Variants in MIPEP observed in about 807,000 individuals in gnomAD.
MIPEP encodes the protein mitochondrial intermediate peptidase.
A neutral mutation model predicts 90.3 loss-of-function variants in MIPEP; 79 were observed. The observed-to-expected ratio is 0.87, with a 90% CI of 0.73 to 1.05. The LOEUF (loss-of-function observed/expected upper bound fraction) is 1.05. MIPEP is among the 50% of genes least tolerant of loss of function. The pLI is 0.00. For missense variants in MIPEP, 940 were observed against 905.6 expected (o/e 1.04, Z -0.49); for synonymous variants, 334 against 315.8 (o/e 1.06, Z -0.61).
chr13:23,759,680 G>A (rs771518615), intron 17 of MIPEP, among the ~76,000 whole-genome samples: 7 of 152,082 alleles, frequency 4.6e-5, no homozygotes, highest in African/African-American at 7.2e-5. Context: ...ACTTCCTCCC[G>A]ACAATGCTCC....
chr13:23,845,832 G>A (rs1566015380), intron 10 of MIPEP, among the ~76,000 whole-genome samples: 1 of 151,364 alleles, frequency 6.6e-6, no homozygotes. Context: ...TATGTGTGCT[G>A]CATTTCCTTT....
intron 15 of MIPEP, among the ~76,000 whole-genome samples, chr13:23,807,775 A>G (rs189763036): frequency 1.5e-3 from 234 of 152,374 alleles, no homozygotes; most frequent in Non-Finnish European, 2.8e-3. Context: ...ATTTTGCCCC[A>G]ATGTATAAAT....
chr13:23,845,303 CTGTTGTGT>C (rs1172192706), intron 10 of MIPEP, among the ~76,000 whole-genome samples: 1 of 152,082 alleles, frequency 6.6e-6, no homozygotes, highest in East Asian at 1.9e-4. Context: ...CATGCATCTC[CTGTTGTGT>C]TGTACATGAG....
intron 14 of MIPEP, among the ~76,000 whole-genome samples, chr13:23,832,440 T>C (rs1868811787): frequency 6.6e-6 from 1 of 151,970 alleles, no homozygotes; most frequent in African/African-American, 2.4e-5. Flanking sequence ...CTATTAAATA[T>C]AAATAGGTAA....
At chr13:23,780,011 A>T (rs1306642979) in intron 16 of MIPEP, among the ~76,000 whole-genome samples, 1 of 152,208 alleles carries the variant, frequency 6.6e-6, no homozygotes, top group Non-Finnish European at 1.5e-5. Flanking sequence ...CTGCCTCAGT[A>T]GACTCCACCT....
At chr13:23,808,397 C>T (rs1353094766) in intron 15 of MIPEP, among the ~76,000 whole-genome samples, 1 of 152,120 alleles carries the variant, frequency 6.6e-6, no homozygotes, top group East Asian at 1.9e-4. Flanking sequence ...CCGCATCTGG[C>T]CTTAAAAACA....
At chr13:23,882,071 CT>C (rs553989994) in intron 2 of MIPEP, among the ~76,000 whole-genome samples, 12,393 of 98,278 alleles carry the variant, frequency 0.13, 444 homozygotes, top group Non-Finnish European at 0.19. Flanking sequence ...TTCTTTCTTT[CT>C]TTTTTTTTTT....
In MIPEP at chr13:23,886,351, T is replaced by G. The variant is rs779792335; in HGVS notation, c.345A>C (p.Leu115Phe). 5 of 1,580,502 alleles carry G rather than the reference T, an allele frequency of 3.2e-6. No homozygotes were observed. Among genetic ancestry groups the G allele is most frequent in the Non-Finnish European group, 4.3e-6 (5 of 1,162,892 alleles). ...VLIFDELSDS[L>F]CRVADLADFV... ...ACCTTACCAAGTCGGCCACTCTGCA[T>G]AAGGAATCCGAGAGCTCATCGAAGA... Residue 115 changes from leucine to phenylalanine, a missense_variant, in exon 2 of 19, where the codon TTA (leucine) becomes TTC (phenylalanine). Leu to Phe is a conservative substitution (Grantham distance 22). Coordinates refer to ENST00000382172, the MANE Select transcript of MIPEP (RefSeq NM_005932.4).
At chr13:23,853,731 TTTG>T (rs1013687076) in intron 10 of MIPEP, among the ~76,000 whole-genome samples, 176 of 152,046 alleles carry the variant, frequency 1.2e-3, no homozygotes, top group African/African-American at 4.2e-3. Flanking sequence ...CGGCTAATTT[TTTG>T]TTGTTGTATT....
intron 16 of MIPEP, among the ~76,000 whole-genome samples, chr13:23,799,427 C>T (rs936566623): frequency 3.3e-5 from 5 of 152,108 alleles, no homozygotes; most frequent in Admixed American, 2.6e-4. Context: ...TTCTGGGTCA[C>T]GCCATTCTTC....
At chr13:23,883,233 A>G (rs562955655) in intron 2 of MIPEP, among the ~76,000 whole-genome samples, 1 of 152,284 alleles carries the variant, frequency 6.6e-6, no homozygotes, top group African/African-American at 2.4e-5. Context: ...AGTTTTCAAA[A>G]TGAGATATTA....
rs189487959 is a variant in MIPEP at position 23,833,942 on chromosome 13, C to A, written c.1653+2298G>T. Among the ~76,000 whole-genome samples, 16 of 152,280 alleles carry A rather than the reference C, an allele frequency of 1.1e-4. No individual in the cohort carries two copies. The East Asian group carries it at 2.5e-3, about 24-fold the overall frequency. On this transcript the variant is annotated intron_variant, in intron 14 of 18. Transcript: ENST00000382172. ...CTCCTGGCGGCAGTGATGCTCCCCA[C>A]GTCTCCCACACTAAGTGGCGCCTCC...
chr13:23,743,821 T>C (rs970967822), intron 18 of MIPEP, among the ~76,000 whole-genome samples: 2 of 152,190 alleles, frequency 1.3e-5, no homozygotes, highest in African/African-American at 4.8e-5. Flanking sequence ...AAAATATTAG[T>C]GCATTTACAA....
chr13:23,740,311 G>T (rs552376886), intron 18 of MIPEP, among the ~76,000 whole-genome samples: 1 of 152,058 alleles, frequency 6.6e-6, no homozygotes. Flanking sequence ...GTCTATGGCT[G>T]GCTGGAGCTG....
chr13:23,750,069 G>A (rs1332249255), intron 18 of MIPEP, among the ~76,000 whole-genome samples: 1 of 147,642 alleles, frequency 6.8e-6, no homozygotes, highest in Non-Finnish European at 1.5e-5. Flanking sequence ...CCTTCCCAAG[G>A]AGGTTCTTTG....
At chr13:23,775,117 G>GTGTGTGTA (rs1952700407) in intron 16 of MIPEP, among the ~76,000 whole-genome samples, 1 of 82,772 alleles carries the variant, frequency 1.2e-5, no homozygotes, top group African/African-American at 4.8e-5. Context: ...CTCTGTGTGT[G>GTGTGTGTA]TGTGTGTGTG....
intron 18 of MIPEP, among the ~76,000 whole-genome samples, chr13:23,737,218 C>T (rs184412909): frequency 7.9e-5 from 12 of 152,342 alleles, no homozygotes; most frequent in Non-Finnish European, 1.2e-4. Flanking sequence ...CTTCGTCTCA[C>T]AGGGCCGTAG....
intron 5 of MIPEP, among the ~76,000 whole-genome samples, chr13:23,870,414 CTTAT>C (rs1195626361): frequency 6.6e-6 from 1 of 151,900 alleles, no homozygotes; most frequent in African/African-American, 2.4e-5. Context: ...AAAGATCATA[CTTAT>C]GGTTTTCTGA....
intron 5 of MIPEP, 111 bp from the exon 6 acceptor site, chr13:23,870,306 A>C (rs1432174036): frequency 5.6e-6 from 3 of 538,884 alleles, no homozygotes; most frequent in African/African-American, 4.1e-5. Context: ...TTGAATTATC[A>C]CTTAATAAAA....
Sources: allele counts gnomAD v4.1 joint callset (sites outside exome capture counted in the v4.1 genomes callset), GRCh38; gene constraint gnomAD v4.1.1; transcripts MANE v1.5; gene names NCBI Gene and HGNC (gene_info 2026-07-23, HGNC 2026-07-21).